CNKSR2: variants seen among roughly 807,000 people sequenced by gnomAD.
The protein encoded by CNKSR2 is CNK homolog protein 2.
Under a neutral mutation model 84.4 loss-of-function variants are expected in CNKSR2, and 14 were observed. The ratio of observed to expected loss-of-function variants is 0.17; its 90% CI spans 0.11 to 0.26. The LOEUF is 0.26. CNKSR2 is among the 10% of genes least tolerant of loss of function. The probability of loss-of-function intolerance (pLI) is 1.00; values close to 1 mark genes in which losing one functional copy is unlikely to be tolerated. For synonymous variants in CNKSR2, 275 were observed against 277.9 expected (o/e 0.99, Z 0.10); for missense variants, 485 against 771.2 (o/e 0.63, Z 4.40).
rs1450052751 is a variant in CNKSR2, at chrX:21,563,429, G to C, written c.1585G>C (p.Val529Leu). The C allele has an allele frequency of 7.5e-6, 9 of 1,207,831 alleles. No homozygotes were observed. Among genetic ancestry groups the C allele is most frequent in the Non-Finnish European group, 1.0e-5 (9 of 892,331 alleles). ...ALRQDIMGTP[V>L]PETTLYHTFQ... ...GAGACAAGACATCATGGGCACTCCT[G>C]TGCCAGAGACCACACTATACCATGT... Residue 529 changes from valine (V) to leucine (L), a missense_variant, in exon 13 of 22, where the codon GTG (valine) becomes CTG (leucine). Physicochemically the swap from Val to Leu is conservative, Grantham distance 32. Coordinates refer to ENST00000379510, the MANE Select transcript of CNKSR2 (RefSeq NM_014927.5).
chrX:21,547,918 C>T (rs1056331501), intron 11 of CNKSR2, among the ~76,000 whole-genome samples: 1 of 112,063 alleles, frequency 8.9e-6, no homozygotes, highest in Admixed American at 9.5e-5. Flanking sequence ...CTCTGGGACA[C>T]ATTTAAAGCA....
intron 1 of CNKSR2, among the ~76,000 whole-genome samples, chrX:21,380,100 AC>A (rs2089876161): frequency 9.0e-6 from 1 of 111,194 alleles, no homozygotes; most frequent in South Asian, 3.8e-4. Context: ...AAGTACAAGA[AC>A]AAATCTGCAT....
In CNKSR2 at chrX:21,590,117, T is replaced by C. The variant is rs1700492244; in HGVS notation, c.1609-455T>C. Among the ~76,000 whole-genome samples, 4 of 111,403 alleles carry C rather than the reference T, an allele frequency of 3.6e-5. No homozygotes were observed. In the Admixed American group the frequency reaches 3.8e-4, roughly 11 times the overall value. ...AAATATTGTTCCAAGTGCTGAAATA[T>C]GTAGGGACTAAGGAAGTAGGAGAAC... On this transcript the variant is annotated intron_variant, in intron 13 of 21. Transcript: ENST00000379510.
chrX:21,450,866 G>C (rs2090919094), intron 4 of CNKSR2, among the ~76,000 whole-genome samples: 1 of 111,747 alleles, frequency 8.9e-6, no homozygotes, highest in African/African-American at 3.2e-5. Flanking sequence ...AAATCTTGCA[G>C]TAAAGGCTCA....
chrX:21,504,842 G>T (rs1331426287), intron 8 of CNKSR2: 1 of 293,338 alleles, frequency 3.4e-6, no homozygotes, highest in East Asian at 4.8e-5. Flanking sequence ...AACTGTGGCT[G>T]CCAGATAGGA....
chrX:21,606,233 A>G (rs930484076), intron 18 of CNKSR2, among the ~76,000 whole-genome samples: 1 of 111,683 alleles, frequency 9.0e-6, no homozygotes, highest in African/African-American at 3.3e-5. Context: ...GAGAGGTGGG[A>G]GTATGGTGTT....
intron 13 of CNKSR2, among the ~76,000 whole-genome samples, chrX:21,589,834 G>C (rs1405900570): frequency 9.0e-6 from 1 of 111,454 alleles, no homozygotes; most frequent in Non-Finnish European, 1.9e-5. Flanking sequence ...AGGCACAAGA[G>C]GGTAGTTAGG....
intron 13 of CNKSR2, among the ~76,000 whole-genome samples, chrX:21,579,143 G>A (rs765870143): frequency 4.5e-5 from 5 of 112,038 alleles, no homozygotes; most frequent in Admixed American, 9.5e-5. Flanking sequence ...CCTGACCTTC[G>A]GAGCAAAAGA....
chrX:21,376,709 T>G (rs955199499), intron 1 of CNKSR2, among the ~76,000 whole-genome samples: 18 of 112,341 alleles, frequency 1.6e-4, no homozygotes, highest in African/African-American at 5.2e-4. Flanking sequence ...AAGGTTACTT[T>G]AGTTTGAGTC....
At chrX:21,396,056 A>G (rs1387986527) in intron 1 of CNKSR2, among the ~76,000 whole-genome samples, 4 of 109,949 alleles carry the variant, frequency 3.6e-5, no homozygotes, top group African/African-American at 1.3e-4. Context: ...TCCTTTTTCT[A>G]TATTCTTTCA....
chrX:21,549,518 C>A (rs903015511), intron 11 of CNKSR2, among the ~76,000 whole-genome samples: 1 of 111,480 alleles, frequency 9.0e-6, no homozygotes, highest in Non-Finnish European at 1.9e-5. Context: ...AAATGCTATC[C>A]CCATCAAGCT....
chrX:21,563,216 G>C (rs776901807), intron 12 of CNKSR2, 22 bp from the exon 13 acceptor site: 2 of 1,112,761 alleles, frequency 1.8e-6, no homozygotes, highest in East Asian at 6.2e-5. Flanking sequence ...TTATATTGGT[G>C]TATTTATCTC....
At chrX:21,554,450 G>A (rs1011318988) in intron 11 of CNKSR2, among the ~76,000 whole-genome samples, 7 of 110,937 alleles carry the variant, frequency 6.3e-5, no homozygotes, top group African/African-American at 2.0e-4. Flanking sequence ...ACTAGTACCC[G>A]TTAGTTGTTT....
At chrX:21,585,810 A>G (rs2092383511) in intron 13 of CNKSR2, among the ~76,000 whole-genome samples, 1 of 111,475 alleles carries the variant, frequency 9.0e-6, no homozygotes, top group African/African-American at 3.3e-5. Flanking sequence ...AATAAACAGA[A>G]AGTGCTAGTG....
At chrX:21,533,725 G>T (rs2091904824) in intron 11 of CNKSR2, among the ~76,000 whole-genome samples, 1 of 111,014 alleles carries the variant, frequency 9.0e-6, no homozygotes, top group East Asian at 2.8e-4. Flanking sequence ...TAGGAGAAAA[G>T]AAATATGTAC....
chrX:21,606,055 A>G (rs1211867053), intron 18 of CNKSR2, among the ~76,000 whole-genome samples: 1 of 112,069 alleles, frequency 8.9e-6, no homozygotes, highest in Non-Finnish European at 1.9e-5. Context: ...CTTCTCTCTC[A>G]GAGTTCTTTC....
chrX:21,471,631 G>A lies in CNKSR2; in HGVS notation c.561+824G>A, dbSNP rs146109466. ...GGAAATACTTTTAAAACATCTAAAC[G>A]TATGGAGGGAAAATATTACTTCAGA... is the stretch of plus-strand genomic sequence containing the variant. On this transcript the variant is annotated intron_variant, in intron 5 of 21. Transcript: ENST00000379510. Among the ~76,000 whole-genome samples, 38 of 112,179 alleles carry A rather than the reference G, an allele frequency of 3.4e-4. No individual in the cohort carries two copies. In the East Asian group the frequency reaches 0.01, roughly 30 times the overall value.
chrX:21,516,402 T>C, intron 8 of CNKSR2, 83 bp from the exon 9 acceptor site: 1 of 995,504 alleles, frequency 1.0e-6, no homozygotes, highest in East Asian at 3.1e-5. Context: ...CTTTTTTTTT[T>C]ACTAATCTTA....
At chrX:21,489,579 A>G (rs1291610123) in intron 5 of CNKSR2, among the ~76,000 whole-genome samples, 1 of 111,799 alleles carries the variant, frequency 8.9e-6, no homozygotes, top group Non-Finnish European at 1.9e-5. Flanking sequence ...TACTTTCTTC[A>G]TGATTTTGCC....
Sources: gnomAD v4.1 joint callset for allele counts (sites outside exome capture counted in the v4.1 genomes callset) on GRCh38, gnomAD v4.1.1 for gene constraint, MANE v1.5 for transcripts, NCBI Gene and HGNC (gene_info 2026-07-23, HGNC 2026-07-21) for gene names.